The following TCP11L1 variants were observed in gnomAD, a reference collection of about 807,000 sequenced individuals.
TCP11L1 encodes the protein T-complex protein 11-like protein 1.
A neutral mutation model predicts 48.9 loss-of-function variants in TCP11L1; 28 were observed. That is an observed-to-expected ratio of 0.57 (90% CI 0.42 to 0.78). TCP11L1 has a LOEUF of 0.78. Among genes scored for constraint, TCP11L1 ranks in the 30% least tolerant of loss-of-function variants. The probability of loss-of-function intolerance (pLI) is 0.00; values close to 1 mark genes in which losing one functional copy is unlikely to be tolerated. For missense variants in TCP11L1, 505 were observed against 613.4 expected, an observed-to-expected ratio of 0.82 and a Z score of 1.87; for synonymous variants, 204 against 231.9, an observed-to-expected ratio of 0.88 and a Z score of 1.09.
At chr11:33,058,563 AT>A in intron 5 of TCP11L1, among the ~76,000 whole-genome samples, 1 of 151,544 alleles carries the variant, frequency 6.6e-6, no homozygotes. Context: ...AAAAAAAAAA[AT>A]TTGTAAAATG....
intron 2 of TCP11L1, among the ~76,000 whole-genome samples, chr11:33,045,230 A>G (rs971000108): frequency 3.3e-5 from 5 of 151,960 alleles, no homozygotes; most frequent in Admixed American, 1.3e-4. Flanking sequence ...GTGCATGCCT[A>G]TAGTCCCAGC....
intron 5 of TCP11L1, among the ~76,000 whole-genome samples, 170 bp from the exon 6 acceptor site, chr11:33,058,789 A>G (rs1483709462): frequency 5.9e-5 from 9 of 151,406 alleles, no homozygotes; most frequent in Non-Finnish European, 1.0e-4. Context: ...ATGTTGTCAC[A>G]TTTGCTATGC....
chr11:33,071,089 C>A (rs369258150), intron 9 of TCP11L1, among the ~76,000 whole-genome samples: 1 of 151,426 alleles, frequency 6.6e-6, no homozygotes, highest in Non-Finnish European at 1.5e-5. Context: ...CGGGGGCAGA[C>A]GGATCACTTG....
chr11:33,068,265 A>G (rs555055860), intron 8 of TCP11L1, among the ~76,000 whole-genome samples: 2 of 152,350 alleles, frequency 1.3e-5, no homozygotes, highest in South Asian at 4.1e-4. Flanking sequence ...GTATGTTTCA[A>G]AAATCAAAAG....
rs1854834534 is a variant in TCP11L1 at position 33,072,759 on chromosome 11, C to T, written c.*83C>T. Reference sequence around the variant, plus strand: ...ACTCTAATGTTGCATTGGAAAATGGCTATATAGTACATGTCTATTTAACAG... The same window carrying T: ...ACTCTAATGTTGCATTGGAAAATGGTTATATAGTACATGTCTATTTAACAG... On this transcript the variant is annotated 3_prime_UTR_variant, in exon 10 of 10. Coordinates refer to ENST00000334274, the MANE Select transcript of TCP11L1 (RefSeq NM_018393.4). The T allele has an allele frequency of 2.9e-5, 42 of 1,455,238 alleles. No homozygotes were observed. In the South Asian group the frequency reaches 4.7e-4, roughly 16 times the overall value. 90.1% of individuals were successfully genotyped at this position (1,455,238 alleles called of 1,614,324 possible). A position where few individuals can be genotyped will look rare whatever the true frequency, so the allele number is the denominator to read the frequency against.
intron 7 of TCP11L1, among the ~76,000 whole-genome samples, chr11:33,063,151 C>T (rs1463243895): frequency 6.6e-6 from 1 of 152,216 alleles, no homozygotes; most frequent in East Asian, 1.9e-4. Flanking sequence ...GCATGAGCTA[C>T]CATGCCCAGC....
chr11:33,042,331 CG>C (rs1258859878), intron 1 of TCP11L1, among the ~76,000 whole-genome samples: 4 of 152,074 alleles, frequency 2.6e-5, no homozygotes, highest in African/African-American at 9.7e-5. Flanking sequence ...GGGGTTTCAG[CG>C]TGTTAGCCAG....
Position 33,040,777 on chromosome 11 carries a change from C to G in TCP11L1, c.-25+985C>G, listed in dbSNP as rs557419942. ...GCCCTCCTTTTCACCTCCTCTCCCC[C>G]TCCTCTCCCCCTCCAGACATGTTTT... On this transcript the variant is annotated intron_variant, in intron 1 of 9. Transcript: ENST00000334274. 2.7e-5 allele frequency: 4 copies of G among 146,428 alleles called. 1 individual carries two copies. In the South Asian group the frequency reaches 6.2e-4, roughly 23 times the overall value. 9.1% of individuals were successfully genotyped at this position (146,428 alleles called of 1,614,324 possible).
intron 4 of TCP11L1, 139 bp downstream of exon 4, chr11:33,057,374 GTT>G: frequency 7.1e-7 from 1 of 1,410,822 alleles, no homozygotes; most frequent in Middle Eastern, 2.1e-4. Flanking sequence ...GATCAAGAGT[GTT>G]TTTGGCTTAA....
In TCP11L1 at chr11:33,053,292, G is replaced by A. The variant is rs193229770; in HGVS notation, c.164-1301G>A. Among the ~76,000 whole-genome samples, 3 of 152,188 alleles carry A rather than the reference G, an allele frequency of 2.0e-5. No homozygotes were observed. In the East Asian group the frequency reaches 5.8e-4, roughly 29 times the overall value. ...CCCAAGGAGCTGGGATTACAGGCAT[G>A]CACCACCACGCCCTGCTAATTTTTG... is the stretch of plus-strand genomic sequence containing the variant. On this transcript the variant is annotated intron_variant, in intron 2 of 9. Coordinates refer to ENST00000334274, the MANE Select transcript of TCP11L1 (RefSeq NM_018393.4).
At chr11:33,057,517 C>A (rs1206935048) in intron 4 of TCP11L1, among the ~76,000 whole-genome samples, 1 of 152,140 alleles carries the variant, frequency 6.6e-6, no homozygotes, top group Non-Finnish European at 1.5e-5. Flanking sequence ...TTTATAATGG[C>A]CAAAAAGTGA....
At chr11:33,060,646 G>GT (rs1248146255) in intron 6 of TCP11L1, among the ~76,000 whole-genome samples, 25 of 152,268 alleles carry the variant, frequency 1.6e-4, no homozygotes, top group African/African-American at 5.5e-4. Context: ...GCTTAGAAAA[G>GT]CAGGGGTGCA....
rs764526953 is a variant in TCP11L1 at position 33,054,675 on chromosome 11, TGTA to T, written c.250_252del (p.Val84del). Reference sequence around the variant, plus strand: ...CCAACATGGCTCTAGCCCATGAAATTGTAGTAAATGGAGACTTTCAGATTAAAC... The same window carrying T: ...CCAACATGGCTCTAGCCCATGAAATTGTAAATGGAGACTTTCAGATTAAAC... On this transcript the variant is annotated inframe_deletion, in exon 3 of 10. Transcript: ENST00000334274. 16 of 1,613,948 alleles carry T rather than the reference TGTA, an allele frequency of 9.9e-6. No individual in the cohort carries two copies. The highest frequency in any genetic ancestry group is 1.4e-5 in the Non-Finnish European group (16 of 1,179,948).
intron 9 of TCP11L1, among the ~76,000 whole-genome samples, chr11:33,070,456 C>T (rs113089223): frequency 7.2e-5 from 11 of 152,110 alleles, no homozygotes; most frequent in African/African-American, 2.4e-4. Flanking sequence ...GAGGCCGAGC[C>T]GGGCAGTTCA....
chr11:33,066,064 C>T (rs1854609792), intron 8 of TCP11L1, 53 bp downstream of exon 8: 1 of 1,597,392 alleles, frequency 6.3e-7, no homozygotes, highest in Non-Finnish European at 8.5e-7. Flanking sequence ...AGAGAGCCGA[C>T]TGGAGTCTCC....
chr11:33,070,968 C>T (rs1224733120), intron 9 of TCP11L1, among the ~76,000 whole-genome samples: 3 of 150,898 alleles, frequency 2.0e-5, no homozygotes, highest in African/African-American at 7.3e-5. Context: ...CGCCACTGCA[C>T]TCCAGCCTGG....
In TCP11L1 at chr11:33,068,820, G is replaced by A; in HGVS notation, c.1288G>A (p.Ala430Thr). Reference protein sequence around the residue: ...KETVLKGQIQAVASPDDPIRR... With the variant: ...KETVLKGQIQTVASPDDPIRR... ...GACCGTGCTCAAGGGCCAGATCCAG[G>A]CCGTGGCCAGTCCCGATGACCCCAT... The change falls in exon 9 of 10, where the codon GCC becomes ACC. Residue 430 changes from alanine (A) to threonine (T), a missense_variant. Ala to Thr is a moderately conservative substitution (Grantham distance 58, BLOSUM62 0). Transcript: ENST00000334274. 2.5e-6 allele frequency: 4 copies of A among 1,614,120 alleles called. No individual in the cohort carries two copies. The highest frequency in any genetic ancestry group is 3.4e-6 in the Non-Finnish European group (4 of 1,179,980).
chr11:33,042,122 G>GT (rs139193979), intron 1 of TCP11L1, among the ~76,000 whole-genome samples: 4,223 of 152,134 alleles, frequency 0.028, 85 homozygotes, highest in Non-Finnish European at 0.042. Context: ...TTAAAACAGG[G>GT]TTTTTTTGTT....
At chr11:33,070,074 C>T (rs1854733677) in intron 9 of TCP11L1, among the ~76,000 whole-genome samples, 3 of 151,594 alleles carry the variant, frequency 2.0e-5, no homozygotes, top group Middle Eastern at 3.4e-3. Context: ...ACCAGGAGTT[C>T]GAGACTATCT....
Sources: gnomAD v4.1 joint callset for allele counts (sites outside exome capture counted in the v4.1 genomes callset) on GRCh38, gnomAD v4.1.1 for gene constraint, MANE v1.5 for transcripts, NCBI Gene and HGNC (gene_info 2026-07-23, HGNC 2026-07-21) for gene names.